The following SEC11C variants were observed in gnomAD, a reference collection of about 807,000 sequenced individuals.
SEC11C encodes the protein signal peptidase complex catalytic subunit SEC11C.
In SEC11C, 10 loss-of-function variants were observed where a neutral mutation model predicts 21.9. The ratio of observed to expected loss-of-function variants is 0.46; its 90% CI spans 0.28 to 0.77. The LOEUF is 0.77. SEC11C is among the 30% of genes least tolerant of loss of function. The pLI is 0.12. For synonymous variants in SEC11C, 83 were observed against 85.6 expected (o/e 0.97, Z 0.17); for missense variants, 145 against 244.5 (o/e 0.59, Z 2.71).
At chr18:59,152,420 C>T in intron 2 of SEC11C, 116 bp from the exon 3 acceptor site, 1 of 1,135,514 alleles carries the variant, frequency 8.8e-7, no homozygotes, top group South Asian at 2.1e-5. Context: ...GCCACATTGG[C>T]TCGTTTTATA....
intron 1 of SEC11C, among the ~76,000 whole-genome samples, chr18:59,148,506 A>G (rs1302179851): frequency 6.6e-6 from 1 of 152,218 alleles, no homozygotes; most frequent in Non-Finnish European, 1.5e-5. Context: ...AGGCAAGCCC[A>G]GTGGGTCTAA....
chr18:59,139,902 T>A lies in SEC11C; in HGVS notation c.-47T>A, dbSNP rs1210023373. ...GGCCGGCAGGTGCTCCGCAGCCGTC[T>A]GTGCCACCCAGAGCCGGCGGGCCGC... is the stretch of plus-strand genomic sequence containing the variant. On this transcript the variant is annotated 5_prime_UTR_variant, in exon 1 of 6. Coordinates refer to ENST00000587834, the MANE Select transcript of SEC11C (RefSeq NM_033280.4). 3 of 1,396,112 alleles carry A rather than the reference T, an allele frequency of 2.1e-6. No individual in the cohort carries two copies. The highest frequency in any genetic ancestry group is 2.9e-5 in the Admixed American group (1 of 34,496). The allele number at this position is 1,396,112 out of a possible 1,614,324, so 86.5% of individuals were successfully genotyped here.
chr18:59,152,270 C>A (rs1206848627), intron 2 of SEC11C, among the ~76,000 whole-genome samples: 4 of 143,820 alleles, frequency 2.8e-5, no homozygotes, highest in Non-Finnish European at 6.0e-5. Context: ...GTAGCTTTTA[C>A]TTCAGAGTTG....
At chr18:59,142,315 G>A (rs2069220899) in intron 1 of SEC11C, among the ~76,000 whole-genome samples, 1 of 152,192 alleles carries the variant, frequency 6.6e-6, no homozygotes, top group Non-Finnish European at 1.5e-5. Flanking sequence ...TCAAGCATGG[G>A]AAATTATACT....
At position 59,157,654 on chromosome 18, in the gene SEC11C, C is replaced by G; in HGVS notation, c.514C>G (p.Pro172Ala). 6.2e-7 allele frequency: 1 copy of G among 1,601,182 alleles called. No homozygotes were observed. Residue 172 changes from proline to alanine, a missense_variant, in exon 5 of 6, where the codon CCA becomes GCA. Pro to Ala is a conservative substitution (Grantham distance 27, BLOSUM62 -1). Transcript: ENST00000587834. ...GGTCACCATAATAATGAATGACTATCCAAAATTCAAGGTAGGAATTTATGT... is the reference window on the plus strand; with the variant it reads ...GGTCACCATAATAATGAATGACTATGCAAAATTCAAGGTAGGAATTTATGT... ...GMVTIIMNDY[P>A]KFKYALLAVM...
chr18:59,141,736 A>G (rs2069213388), intron 1 of SEC11C, among the ~76,000 whole-genome samples: 1 of 151,080 alleles, frequency 6.6e-6, no homozygotes, highest in Admixed American at 6.6e-5. Flanking sequence ...ATGCTCCACC[A>G]GTCTTGAAAG....
At position 59,143,352 on chromosome 18, in the gene SEC11C, C is replaced by CAA. The variant is rs36204971; in HGVS notation, c.87+3339_87+3340dup. ...TGGGCAACAGAGTGAGACTCCATTTCAAAAAAAAAAAAAAAAAAAAAAAGT... is the reference window on the plus strand; with the variant it reads ...TGGGCAACAGAGTGAGACTCCATTTCAAAAAAAAAAAAAAAAAAAAAAAAAGT... On this transcript the variant is annotated intron_variant, in intron 1 of 5. Transcript: ENST00000587834. Among the ~76,000 whole-genome samples the CAA allele has an allele frequency of 5.1e-3, 564 of 110,616 alleles. 15 individuals are homozygous for CAA. Among genetic ancestry groups the CAA allele is most frequent in the Admixed American group, 0.029 (311 of 10,556 alleles). The allele number at this position is 110,616 out of a possible 152,430, so 72.6% of individuals were successfully genotyped here.
intron 1 of SEC11C, among the ~76,000 whole-genome samples, chr18:59,142,878 A>G (rs905761951): frequency 6.6e-6 from 1 of 152,210 alleles, no homozygotes; most frequent in African/African-American, 2.4e-5. Context: ...CTGCACTAAA[A>G]TCTTAGAAAT....
At chr18:59,157,119 A>G (rs992552693) in intron 4 of SEC11C, 5 of 153,326 alleles carry the variant, frequency 3.3e-5, no homozygotes, top group African/African-American at 1.2e-4. Flanking sequence ...ATATTTGAGT[A>G]TAAGTTATGG....
chr18:59,155,064 CAA>C (rs1034995431), intron 3 of SEC11C, among the ~76,000 whole-genome samples: 2 of 152,102 alleles, frequency 1.3e-5, no homozygotes, highest in African/African-American at 4.8e-5. Context: ...GACTCCATCT[CAA>C]ACAAACAAAC....
chr18:59,146,565 T>C (rs1167487662), intron 1 of SEC11C, among the ~76,000 whole-genome samples: 2 of 152,102 alleles, frequency 1.3e-5, no homozygotes, highest in East Asian at 3.9e-4. Context: ...GAAATGATCA[T>C]GTGTGTTGAG....
intron 1 of SEC11C, among the ~76,000 whole-genome samples, chr18:59,144,539 A>T (rs1234757971): frequency 6.6e-6 from 1 of 152,104 alleles, no homozygotes; most frequent in Non-Finnish European, 1.5e-5. Context: ...TGAGCAACAT[A>T]AAAAGACCCC....
intron 3 of SEC11C, among the ~76,000 whole-genome samples, chr18:59,154,836 CG>C (rs1406535222): frequency 1.3e-5 from 2 of 152,132 alleles, no homozygotes; most frequent in African/African-American, 2.4e-5. Flanking sequence ...GAGGCCAAGG[CG>C]GGTGGATCAC....
chr18:59,155,795 G>A lies in SEC11C; in HGVS notation c.455G>A (p.Gly152Glu). 6.2e-7 allele frequency: 1 copy of A among 1,613,794 alleles called. No homozygotes were observed. Among genetic ancestry groups the A allele is most frequent in the Non-Finnish European group, 8.5e-7 (1 of 1,179,824 alleles). Residue 152 changes from glycine to glutamate, a missense_variant, in exon 4 of 6, where the codon GGA (glycine) becomes GAA (glutamate). Coordinates refer to ENST00000587834, the MANE Select transcript of SEC11C (RefSeq NM_033280.4). Reference sequence around the variant, plus strand: ...TGGCTGGAAAAGAAGGACGTGGTGGGAAGAGCAAGAGGGTGAGGATTCACC... The same window carrying A: ...TGGCTGGAAAAGAAGGACGTGGTGGAAAGAGCAAGAGGGTGAGGATTCACC... ...QNWLEKKDVV[G>E]RARGFLPYVG...
intron 4 of SEC11C, 114 bp from the exon 5 acceptor site, chr18:59,157,494 T>C: frequency 1.3e-6 from 1 of 773,318 alleles, no homozygotes; most frequent in Admixed American, 2.0e-5. Context: ...CCCTGGTCAG[T>C]GGCATTCCCT....
At chr18:59,149,474 C>A in intron 1 of SEC11C, 39 bp from the exon 2 acceptor site, 1 of 1,331,540 alleles carries the variant, frequency 7.5e-7, no homozygotes, top group Non-Finnish European at 1.1e-6. Context: ...GGATCTTCTG[C>A]TATTGGTTTT....
Position 59,152,656 on chromosome 18 carries a change from A to T in SEC11C, c.318A>T (p.Ile106=), listed in dbSNP as rs757954516. The change falls in exon 3 of 6, where the codon ATA becomes ATT. Residue 106 remains isoleucine, a synonymous_variant. Coordinates refer to ENST00000587834, the MANE Select transcript of SEC11C (RefSeq NM_033280.4). ...AAGTTGAAGGACGAGACATTCCAAT[A>T]GTTCACAGAGTAATCAAAGTTCATG... ...VFKVEGRDIP[I]VHRVIKVHEK... 1.2e-6 allele frequency: 2 copies of T among 1,606,492 alleles called. No homozygotes were observed. Among genetic ancestry groups the T allele is most frequent in the East Asian group, 4.5e-5 (2 of 44,746 alleles).
chr18:59,143,064 G>T (rs1208441506), intron 1 of SEC11C, among the ~76,000 whole-genome samples: 1 of 151,858 alleles, frequency 6.6e-6, no homozygotes, highest in Non-Finnish European at 1.5e-5. Flanking sequence ...TTTAAAAATG[G>T]TGTGTAGGCT....
In SEC11C at chr18:59,140,195, G is replaced by A. The variant is rs950447246; in HGVS notation, c.87+160G>A. 3 of 578,832 alleles carry A rather than the reference G, an allele frequency of 5.2e-6. No individual in the cohort carries two copies. In the East Asian group the frequency reaches 9.4e-5, roughly 18 times the overall value. The allele number at this position is 578,832 out of a possible 1,614,324, so 35.9% of individuals were successfully genotyped here. ...CAGGCCCTGGGTTCTACGCCTACGT[G>A]TGGGCATGGGTGTGCACTTCCTTGC... is the stretch of plus-strand genomic sequence containing the variant. On this transcript the variant is annotated intron_variant, in intron 1 of 5. Coordinates refer to ENST00000587834, the MANE Select transcript of SEC11C (RefSeq NM_033280.4).
Sources: allele counts gnomAD v4.1 joint callset (sites outside exome capture counted in the v4.1 genomes callset), GRCh38; gene constraint gnomAD v4.1.1; transcripts MANE v1.5; gene names NCBI Gene and HGNC (gene_info 2026-07-23, HGNC 2026-07-21).